Variants in IFT122 observed in about 807,000 individuals in gnomAD.
IFT122 encodes the protein intraflagellar transport protein 122 homolog.
A neutral mutation model predicts 161.6 loss-of-function variants in IFT122; 118 were observed. That is an observed-to-expected ratio of 0.73 (90% CI 0.63 to 0.85). The LOEUF (loss-of-function observed/expected upper bound fraction) is 0.85. IFT122 is among the 40% of genes least tolerant of loss of function. The probability of loss-of-function intolerance (pLI) is 0.00; values close to 1 mark genes in which losing one functional copy is unlikely to be tolerated. For synonymous variants in IFT122, 550 were observed against 602.4 expected (o/e 0.91, Z 1.27); for missense variants, 1,381 against 1,579.6 (o/e 0.87, Z 2.13).
chr3:129,450,027 G>A, intron 2 of IFT122, 90 bp downstream of exon 2: 1 of 784,060 alleles, frequency 1.3e-6, no homozygotes, highest in Non-Finnish European at 2.1e-6. Context: ...TTTTTTTTTT[G>A]AGATTAAAAA....
In IFT122 at chr3:129,476,484, C is replaced by T. The variant is rs200915373; in HGVS notation, c.986C>T (p.Ala329Val). The change falls in exon 10 of 30, where the codon GCG (alanine) becomes GTG (valine). Residue 329 changes from alanine (A) to valine (V), a missense_variant. Transcript: ENST00000348417. ...EQNSWVWTCQ[A>V]KPDSNYVVVG... ...AACTCCTGGGTGTGGACGTGTCAAG[C>T]GAAACCGGATTCCAACTATGTGGTA... 3.4e-4 allele frequency: 543 copies of T among 1,614,032 alleles called. 2 individuals are homozygous for T. The highest frequency in any genetic ancestry group is 1.4e-3 in the African/African-American group (107 of 74,990).
intron 3 of IFT122, among the ~76,000 whole-genome samples, chr3:129,453,944 C>T (rs868258263): frequency 7.2e-5 from 11 of 152,236 alleles, no homozygotes; most frequent in Middle Eastern, 6.8e-3. Context: ...GTCTGAGTCA[C>T]GATTTCTTCA....
At chr3:129,519,523 G>A in intron 28 of IFT122, 45 bp from the exon 29 acceptor site, 2 of 1,609,064 alleles carry the variant, frequency 1.2e-6, no homozygotes, top group Non-Finnish European at 1.7e-6. Context: ...ATGTCTCACT[G>A]TGGCTGAGTG....
In IFT122 at chr3:129,440,263, T is replaced by C; in HGVS notation, c.-68T>C. ...AAGTGGCTTGTGGAGTGGCGACCGT[T>C]AGTGAGGCGGTTGCTGAGACAGACG... On this transcript the variant is annotated 5_prime_UTR_variant, in exon 1 of 30. Transcript: ENST00000348417. 1.9e-6 allele frequency: 3 copies of C among 1,542,616 alleles called. No individual in the cohort carries two copies. Among genetic ancestry groups the C allele is most frequent in the Non-Finnish European group, 2.6e-6 (3 of 1,142,198 alleles).
At chr3:129,515,157 G>A (rs574781623) in intron 25 of IFT122, 21 of 474,428 alleles carry the variant, frequency 4.4e-5, no homozygotes, top group African/African-American at 2.9e-4. Context: ...TATAGTCCAC[G>A]TGCTCCGCAC....
chr3:129,516,394 G>C (rs1224850068), intron 26 of IFT122, among the ~76,000 whole-genome samples: 1 of 102,842 alleles, frequency 9.7e-6, no homozygotes, highest in Non-Finnish European at 1.9e-5. Flanking sequence ...GACTGCTCCT[G>C]CACACACATA....
chr3:129,507,592 C>A, intron 22 of IFT122, 76 bp from the exon 23 acceptor site: 1 of 1,099,472 alleles, frequency 9.1e-7, no homozygotes, highest in Non-Finnish European at 1.4e-6. Context: ...TGTTGCCTGG[C>A]CCCTCCTCCT....
At chr3:129,516,952 G>GAGACTGCCCCTACACACACACACAC (rs1560025561) in intron 26 of IFT122, among the ~76,000 whole-genome samples, 114 of 95,924 alleles carry the variant, frequency 1.2e-3, no homozygotes, top group Non-Finnish European at 2.0e-3. Flanking sequence ...CACACACACA[G>GAGACTGCCCCTACACACACACACAC]AGACTGCCCC....
Position 129,479,776 on chromosome 3 carries a change from G to C in IFT122, c.1351-9G>C, listed in dbSNP as rs755983613. 1 of 1,613,926 alleles carries C rather than the reference G, an allele frequency of 6.2e-7. No homozygotes were observed. Among genetic ancestry groups the C allele is most frequent in the Non-Finnish European group, 8.5e-7 (1 of 1,180,026 alleles). On this transcript the variant is annotated splice_polypyrimidine_tract_variant and intron_variant, in intron 12 of 29. Transcript: ENST00000348417. ...TGAATTTCCATGCAGAGCTGGGTTT[G>C]CTTCCTAGGAGAAACGGCTGCAGTG... is the stretch of plus-strand genomic sequence containing the variant.
intron 1 of IFT122, among the ~76,000 whole-genome samples, chr3:129,447,689 T>C (rs1385197278): frequency 6.6e-6 from 1 of 152,090 alleles, no homozygotes; most frequent in Non-Finnish European, 1.5e-5. Context: ...ATTTTTGTAT[T>C]TTTAGTTGAG....
At chr3:129,503,014 A>G in intron 20 of IFT122, 132 bp downstream of exon 20, 1 of 798,100 alleles carries the variant, frequency 1.3e-6, no homozygotes, top group Non-Finnish European at 2.0e-6. Context: ...TTGGGCTGGC[A>G]GTCAGGTAAC....
At chr3:129,509,968 A>G (rs1053248029) in intron 23 of IFT122, among the ~76,000 whole-genome samples, 2 of 152,262 alleles carry the variant, frequency 1.3e-5, no homozygotes, top group African/African-American at 4.8e-5. Flanking sequence ...AAGAGTACCT[A>G]GCACAGAGTG....
chr3:129,493,775 A>G (rs1442633012), intron 17 of IFT122, among the ~76,000 whole-genome samples: 1 of 152,218 alleles, frequency 6.6e-6, no homozygotes, highest in Admixed American at 6.5e-5. Flanking sequence ...TCTTCACCTG[A>G]AGCCAAGGAG....
intron 14 of IFT122, among the ~76,000 whole-genome samples, chr3:129,483,264 C>G (rs1422187777): frequency 1.3e-5 from 2 of 152,010 alleles, no homozygotes; most frequent in African/African-American, 2.4e-5. Flanking sequence ...CTTGCTTACT[C>G]AAAAATTCCA....
At position 129,500,043 on chromosome 3, in the gene IFT122, T is replaced by C; in HGVS notation, c.2350T>C (p.Cys784Arg). 1 of 1,614,202 alleles carries C rather than the reference T, an allele frequency of 6.2e-7. No homozygotes were observed. Among genetic ancestry groups the C allele is most frequent in the Non-Finnish European group, 8.5e-7 (1 of 1,180,034 alleles). Residue 784 changes from cysteine (C) to arginine (R), a missense_variant, in exon 19 of 30, where the codon TGT becomes CGT. Physicochemically the swap from Cys to Arg is radical, Grantham distance 180. This residue lies in a region of IFT122 where 496 missense variants were observed against 502.5 expected (regional missense o/e 0.99). Transcript: ENST00000348417. ...AGEHVKAIEICGDHGWVDMLI... is the reference protein window; with the variant it reads ...AGEHVKAIEIRGDHGWVDMLI... ...AGAGCACGTCAAGGCCATCGAGATCTGTGGTGACCATGGCTGGGTTGACAT... is the reference window on the plus strand; with the variant it reads ...AGAGCACGTCAAGGCCATCGAGATCCGTGGTGACCATGGCTGGGTTGACAT...
In IFT122 at chr3:129,504,366, C is replaced by G. The variant is rs748019891; in HGVS notation, c.2595C>G (p.Tyr865Ter). 1 of 1,614,134 alleles carries G rather than the reference C, an allele frequency of 6.2e-7. No individual in the cohort carries two copies. The highest frequency in any genetic ancestry group is 8.5e-7 in the Non-Finnish European group (1 of 1,180,002). The change falls in exon 21 of 30, where the codon TAC becomes TAG. Residue 865 changes from tyrosine (Y) to a stop codon, truncating the protein, a stop_gained. Transcript: ENST00000348417. LOFTEE classifies it high-confidence loss of function. ...ATCCTGAGTTTAAGGATGACATCTA[C>G]ATGCCGTATGCTCAGTGGCTAGCAG... The part of the protein sequence containing the change: ...EKHPEFKDDI[Y>*]MPYAQWLAEN...
At chr3:129,518,972 C>G (rs1402240748) in intron 27 of IFT122, 135 bp from the exon 28 acceptor site, 4 of 790,926 alleles carry the variant, frequency 5.1e-6, no homozygotes, top group Admixed American at 1.7e-5. Context: ...TGGCCTGAGC[C>G]CCCTCTGTTC....
rs1447278605 is a variant in IFT122 at position 129,517,537 on chromosome 3, G to A, written c.3334G>A (p.Asp1112Asn). The change falls in exon 27 of 30, where the codon GAC becomes AAC. Residue 1112 changes from aspartate to asparagine, a missense_variant. By Grantham distance (23) the Asp-to-Asn change is conservative. Coordinates refer to ENST00000348417, the MANE Select transcript of IFT122 (RefSeq NM_052989.3). Reference protein sequence around the residue: ...ITDEEAISLIDLEVLRPKRDD... With the variant: ...ITDEEAISLINLEVLRPKRDD... ...TGATGAAGAAGCCATCTCCCTCATC[G>A]ACCTGGAGGTGCTGAGACCCAAGCG... 9 of 1,613,860 alleles carry A rather than the reference G, an allele frequency of 5.6e-6. No individual in the cohort carries two copies. Among genetic ancestry groups the A allele is most frequent in the Admixed American group, 1.7e-5 (1 of 59,994 alleles).
chr3:129,459,397 C>A (rs963558319), intron 4 of IFT122: 1 of 407,762 alleles, frequency 2.5e-6, no homozygotes, highest in Admixed American at 2.7e-5. Context: ...TCACGCCATT[C>A]TCCTGCCTCA....
Sources: gnomAD v4.1 joint callset for allele counts (sites outside exome capture counted in the v4.1 genomes callset) on GRCh38, gnomAD v4.1.1 for gene constraint, gnomAD v4.1.1 regional missense constraint, MANE v1.5 for transcripts, NCBI Gene and HGNC (gene_info 2026-07-23, HGNC 2026-07-21) for gene names.